Variants in PLSCR5 observed in about 807,000 individuals in gnomAD.
PLSCR5 encodes the protein phospholipid scramblase family member 5, also known as phospholipid scramblase family, member 5.
In PLSCR5, 44 loss-of-function variants were observed where a neutral mutation model predicts 33.6. The observed-to-expected ratio is 1.31, with a 90% CI of 1.03 to 1.69. The LOEUF is 1.69. Ranked by LOEUF, PLSCR5 falls within the 40% of genes most tolerant of loss-of-function variation. PLSCR5 has a pLI of 0.00. For missense variants in PLSCR5, 375 were observed against 318.7 expected (o/e 1.18, Z -1.34); for synonymous variants, 148 against 112.3 (o/e 1.32, Z -2.01).
At position 146,589,710 on chromosome 3, in the gene PLSCR5, A is replaced by G. The variant is rs1466221901; in HGVS notation, c.720T>C (p.Val240=). The part of the protein sequence containing the change: ...FTNADNFGIH[V]PADLDVTVKA... ...TGACTGTTACATCTAGATCTGCAGG[A>G]ACATGAATTCCGAAATTGTCAGCAT... Residue 240 remains valine (V), a synonymous_variant, in exon 6 of 8, where the codon GTT becomes GTC. Coordinates refer to ENST00000443512, the MANE Select transcript of PLSCR5 (RefSeq NM_001085420.2). 2 of 1,606,300 alleles carry G rather than the reference A, an allele frequency of 1.2e-6. No homozygotes were observed. Among genetic ancestry groups the G allele is most frequent in the East Asian group, 4.5e-5 (2 of 44,760 alleles).
At chr3:146,598,278 A>G (rs1223476152) in intron 2 of PLSCR5, among the ~76,000 whole-genome samples, 1 of 152,258 alleles carries the variant, frequency 6.6e-6, no homozygotes, top group African/African-American at 2.4e-5. Flanking sequence ...CTTTTAGGGA[A>G]AAGTTGGCAT....
intron 1 of PLSCR5, among the ~76,000 whole-genome samples, chr3:146,601,140 A>T (rs1047200744): frequency 2.0e-5 from 3 of 151,664 alleles, no homozygotes; most frequent in African/African-American, 7.3e-5. Context: ...TCTGTTTTCT[A>T]TATTATTGCC....
rs66481203 is a variant in PLSCR5 at position 146,585,876 on chromosome 3, ATT to A, written c.*109_*110del. On this transcript the variant is annotated 3_prime_UTR_variant, in exon 8 of 8. Transcript: ENST00000443512. ...TGTTTTAATAAATATAATAATTAACATTTTTTTTTAACAAAAAAGCAAACATT... is the reference window on the plus strand; with the variant it reads ...TGTTTTAATAAATATAATAATTAACATTTTTTTAACAAAAAAGCAAACATT... The A allele has an allele frequency of 1.0e-3, 458 of 443,184 alleles. 1 individual carries two copies. The highest frequency in any genetic ancestry group is 1.5e-3 in the Non-Finnish European group (413 of 267,024). 27.5% of individuals were successfully genotyped at this position (443,184 alleles called of 1,614,324 possible). A position where few individuals can be genotyped will look rare whatever the true frequency, so the allele number is the denominator to read the frequency against.
chr3:146,578,998 T>C (rs1393490674), intron 7 of PLSCR5, among the ~76,000 whole-genome samples: 1 of 152,036 alleles, frequency 6.6e-6, no homozygotes, highest in Non-Finnish European at 1.5e-5. Flanking sequence ...CTTTTTAAAA[T>C]ATATTATAGA....
chr3:146,591,940 C>A, intron 4 of PLSCR5, 59 bp from the exon 5 acceptor site: 1 of 1,377,622 alleles, frequency 7.3e-7, no homozygotes, highest in Non-Finnish European at 9.8e-7. Flanking sequence ...TTTAATTTTA[C>A]TATAATGTCA....
intron 6 of PLSCR5, among the ~76,000 whole-genome samples, chr3:146,587,779 T>C (rs758914940): frequency 1.3e-5 from 2 of 152,116 alleles, no homozygotes; most frequent in Non-Finnish European, 1.5e-5. Context: ...TTCCATCTTC[T>C]ACCAATAATA....
intron 4 of PLSCR5, 45 bp from the exon 5 acceptor site, chr3:146,591,926 A>AT (rs1307838347): frequency 5.5e-6 from 8 of 1,456,816 alleles, no homozygotes; most frequent in African/African-American, 1.4e-5. Context: ...TTAGGTTATC[A>AT]TATTTTAATT....
At chr3:146,604,105 T>C (rs978094216) in intron 1 of PLSCR5, among the ~76,000 whole-genome samples, 3 of 152,130 alleles carry the variant, frequency 2.0e-5, no homozygotes, top group African/African-American at 7.2e-5. Flanking sequence ...TATTACAAAT[T>C]GATGAGCCCT....
At chr3:146,577,570 C>T (rs760152322) in intron 7 of PLSCR5, among the ~76,000 whole-genome samples, 1 of 152,048 alleles carries the variant, frequency 6.6e-6, no homozygotes, top group Non-Finnish European at 1.5e-5. Flanking sequence ...CAATGTTACT[C>T]AGTTTCCTTA....
downstream of PLSCR5, among the ~76,000 whole-genome samples, chr3:146,583,978 G>A (rs2044649742): frequency 6.7e-6 from 1 of 150,138 alleles, no homozygotes; most frequent in Non-Finnish European, 1.5e-5. Flanking sequence ...AGAGAAGATA[G>A]GAAAGCAAGA....
At chr3:146,594,792 T>G (rs909298627) in intron 3 of PLSCR5, among the ~76,000 whole-genome samples, 12 of 152,146 alleles carry the variant, frequency 7.9e-5, no homozygotes, top group Admixed American at 2.6e-4. Context: ...TTAAAGTATA[T>G]GTAATGTCAG....
In PLSCR5 at chr3:146,593,919, C is replaced by T. The variant is rs2107854069; in HGVS notation, c.453+1G>A. 1 of 1,612,014 alleles carries T rather than the reference C, an allele frequency of 6.2e-7. No individual in the cohort carries two copies. Among genetic ancestry groups the T allele is most frequent in the Non-Finnish European group, 8.5e-7 (1 of 1,178,282 alleles). On this transcript the variant is annotated splice_donor_variant, in intron 4 of 7. Transcript: ENST00000443512. LOFTEE classifies it high-confidence loss of function. ...AAGGACAACCAGAGCCAGTAACTAA[C>T]CTCTTGTAGGTAGCAAGGGCACCAG...
intron 6 of PLSCR5, among the ~76,000 whole-genome samples, chr3:146,589,445 G>T (rs2044691203): frequency 6.6e-6 from 1 of 152,092 alleles, no homozygotes; most frequent in South Asian, 2.1e-4. Context: ...TTGAGAAAGG[G>T]GATATGAGAT....
chr3:146,592,017 G>T, intron 4 of PLSCR5, 136 bp from the exon 5 acceptor site: 1 of 788,142 alleles, frequency 1.3e-6, no homozygotes, highest in Non-Finnish European at 1.9e-6. Flanking sequence ...CTAAATACCT[G>T]CTTCTAAGGA....
At chr3:146,589,383 G>A (rs1330782362) in intron 6 of PLSCR5, among the ~76,000 whole-genome samples, 2 of 152,060 alleles carry the variant, frequency 1.3e-5, no homozygotes, top group East Asian at 3.9e-4. Flanking sequence ...AAAAGCAAGG[G>A]GAAACTAGGT....
downstream of PLSCR5, among the ~76,000 whole-genome samples, chr3:146,584,966 G>A (rs1324845398): frequency 6.6e-6 from 1 of 152,084 alleles, no homozygotes; most frequent in Non-Finnish European, 1.5e-5. Flanking sequence ...ATTTGTGTAA[G>A]TCTAAAATAG....
At chr3:146,584,820 A>G (rs1258477408), downstream of PLSCR5, among the ~76,000 whole-genome samples, 1 of 152,148 alleles carries the variant, frequency 6.6e-6, no homozygotes, top group African/African-American at 2.4e-5. Flanking sequence ...CTAGGAAATG[A>G]TCATCTCCTA....
At chr3:146,599,007 A>G (rs1448556739) in intron 2 of PLSCR5, among the ~76,000 whole-genome samples, 1 of 152,228 alleles carries the variant, frequency 6.6e-6, no homozygotes, top group African/African-American at 2.4e-5. Context: ...TTGATAAAGG[A>G]GATAGACTTT....
intron 2 of PLSCR5, among the ~76,000 whole-genome samples, chr3:146,596,337 C>T (rs547612369): frequency 5.3e-4 from 80 of 152,216 alleles, no homozygotes; most frequent in African/African-American, 1.5e-3. Context: ...TACAGGTGCA[C>T]GCCACCATGC....
Sources: allele counts gnomAD v4.1 joint callset (sites outside exome capture counted in the v4.1 genomes callset), GRCh38; gene constraint gnomAD v4.1.1; transcripts MANE v1.5; gene names NCBI Gene and HGNC (gene_info 2026-07-23, HGNC 2026-07-21).